Variants in SMR3B observed in about 807,000 individuals in gnomAD.
SMR3B encodes submaxillary gland androgen regulated protein 3B.
For missense variants in SMR3B, 114 were observed against 99.9 expected (o/e 1.14, Z -0.60); for synonymous variants, 42 against 36.1 (o/e 1.16, Z -0.59).
intron 2 of SMR3B, chr4:70,384,772 G>A: frequency 1.0e-6 from 1 of 993,804 alleles, no homozygotes; most frequent in Non-Finnish European, 1.4e-6. Flanking sequence ...GACAGCTCAA[G>A]TCTGTGGTAT....
chr4:70,386,210 T>C (rs149624284), intron 2 of SMR3B, among the ~76,000 whole-genome samples: 171 of 150,156 alleles, frequency 1.1e-3, no homozygotes, highest in African/African-American at 3.9e-3. Context: ...GAGGTGGACA[T>C]TGCAGCGAGC....
At chr4:70,388,932 T>G (rs932512752) in intron 2 of SMR3B, among the ~76,000 whole-genome samples, 1 of 152,206 alleles carries the variant, frequency 6.6e-6, no homozygotes, top group African/African-American at 2.4e-5. Flanking sequence ...AATGACAGAT[T>G]CGACTATAGG....
chr4:70,386,284 A>G (rs1489553961), intron 2 of SMR3B, among the ~76,000 whole-genome samples: 1 of 151,456 alleles, frequency 6.6e-6, no homozygotes, highest in African/African-American at 2.4e-5. Flanking sequence ...AAAAAAAAAA[A>G]AAAGAAAAAA....
At chr4:70,389,042 T>C (rs77715431) in intron 2 of SMR3B, among the ~76,000 whole-genome samples, 13,021 of 152,198 alleles carry the variant, frequency 0.086, 791 homozygotes, top group South Asian at 0.19. Flanking sequence ...AGAGAAACTT[T>C]TTTTCTTTGA....
chr4:70,389,670 A>G lies in SMR3B; in HGVS notation c.62A>G (p.Glu21Gly), dbSNP rs761589482. Reference sequence around the variant, plus strand: ...TACTTCTTATTTCCACAGCCTGGTGAGAGTCAAAGAGGCCCCAGGGGACCA... The same window carrying G: ...TACTTCTTATTTCCACAGCCTGGTGGGAGTCAAAGAGGCCCCAGGGGACCA... ...WALAACFTPG[E>G]SQRGPRGPYP... Residue 21 changes from glutamate to glycine, a missense_variant, in exon 3 of 3, where the codon GAG becomes GGG. Coordinates refer to ENST00000304915, the MANE Select transcript of SMR3B (RefSeq NM_006685.4). The G allele has an allele frequency of 6.2e-7, 1 of 1,613,660 alleles. No homozygotes were observed. The highest frequency in any genetic ancestry group is 1.1e-5 in the South Asian group (1 of 91,046).
Position 70,388,105 on chromosome 4 carries a change from G to A in SMR3B, c.55-1558G>A, listed in dbSNP as rs1263840083. ...AGTGGAACTTCATTCTTACCCCAGA[G>A]CATTTGTGTATTTTCATTCTGTTTG... is the stretch of plus-strand genomic sequence containing the variant. On this transcript the variant is annotated intron_variant, in intron 2 of 2. Coordinates refer to ENST00000304915, the MANE Select transcript of SMR3B (RefSeq NM_006685.4). Among the ~76,000 whole-genome samples, 4 of 152,056 alleles carry A rather than the reference G, an allele frequency of 2.6e-5. No individual in the cohort carries two copies. The East Asian group carries it at 7.7e-4, about 29-fold the overall frequency.
intron 1 of SMR3B, 71 bp from the exon 2 acceptor site, chr4:70,384,426 G>A: frequency 3.1e-6 from 5 of 1,594,740 alleles, no homozygotes; most frequent in Non-Finnish European, 3.4e-6. Flanking sequence ...ATATCCAAGT[G>A]TTGAGACATT....
rs2989 is a variant in SMR3B, at chr4:70,389,940, A to G, written c.*92A>G. On this transcript the variant is annotated 3_prime_UTR_variant, in exon 3 of 3. Transcript: ENST00000304915. ...CCTGGACCTCCATTTTTCCCTGTAA[A>G]TTCTCCAACTGATCCTACCCTCCCT... The G allele has an allele frequency of 0.017, 27,307 of 1,598,310 alleles. 417 individuals carry two copies. Among genetic ancestry groups the G allele is most frequent in the South Asian group, 0.054 (4,882 of 90,634 alleles).
intron 2 of SMR3B, among the ~76,000 whole-genome samples, chr4:70,386,684 G>C (rs1317151011): frequency 1.3e-5 from 2 of 152,116 alleles, no homozygotes; most frequent in Non-Finnish European, 2.9e-5. Context: ...CAATGTGATT[G>C]GGTATACTTA....
At chr4:70,388,864 A>G (rs1330104312) in intron 2 of SMR3B, among the ~76,000 whole-genome samples, 12 of 152,168 alleles carry the variant, frequency 7.9e-5, no homozygotes, top group Non-Finnish European at 1.3e-4. Flanking sequence ...TGAATTAGAC[A>G]TAATAAGACA....
chr4:70,387,266 G>A (rs554342761), intron 2 of SMR3B, among the ~76,000 whole-genome samples: 10 of 152,280 alleles, frequency 6.6e-5, no homozygotes, highest in African/African-American at 2.4e-4. Context: ...TTAGGTGAAA[G>A]TGTAAGAGTA....
rs1173391989 is a variant in SMR3B, at chr4:70,389,803, A to T, written c.195A>T (p.Ala65=). The T allele has an allele frequency of 6.2e-7, 1 of 1,613,254 alleles. No homozygotes were observed. The highest frequency in any genetic ancestry group is 1.7e-5 in the Admixed American group (1 of 59,920). ...GGAGAATCCCACCTCCTCCTCCCGC[A>T]CCCTATGGTCCAGGGATATTTCCAC... ...GPGRIPPPPP[A]PYGPGIFPPP... Residue 65 remains alanine, a synonymous_variant, in exon 3 of 3, where the codon GCA becomes GCT. Transcript: ENST00000304915.
intron 2 of SMR3B, among the ~76,000 whole-genome samples, chr4:70,385,263 G>A (rs1051927283): frequency 1.3e-5 from 2 of 151,862 alleles, no homozygotes; most frequent in African/African-American, 4.8e-5. Flanking sequence ...TTCCACCAAA[G>A]TACTATAAAA....
chr4:70,388,742 T>G (rs1732709255), intron 2 of SMR3B, among the ~76,000 whole-genome samples: 1 of 152,168 alleles, frequency 6.6e-6, no homozygotes, highest in Non-Finnish European at 1.5e-5. Context: ...AAGATCTGTT[T>G]GTAACCCTGG....
In SMR3B at chr4:70,384,572, T is replaced by A. The variant is rs545546702; in HGVS notation, c.54+8T>A. On this transcript the variant is annotated splice_region_variant and intron_variant, in intron 2 of 2. Coordinates refer to ENST00000304915, the MANE Select transcript of SMR3B (RefSeq NM_006685.4). The stretch of plus-strand genomic sequence containing the variant: ...CTTGCAGCGTGTTTCACAGTAAGTA[T>A]CATTAATCACGATCACACTTCTTTA... The A allele has an allele frequency of 3.1e-6, 5 of 1,599,900 alleles. No individual in the cohort carries two copies. The highest frequency in any genetic ancestry group is 4.3e-6 in the Non-Finnish European group (5 of 1,172,856).
chr4:70,385,475 C>T (rs947647727), intron 2 of SMR3B, among the ~76,000 whole-genome samples: 14 of 147,592 alleles, frequency 9.5e-5, no homozygotes, highest in African/African-American at 3.5e-4. Flanking sequence ...GCGATCTCGG[C>T]TCACTGCAAG....
intron 2 of SMR3B, among the ~76,000 whole-genome samples, chr4:70,385,404 T>G (rs1162597614): frequency 3.7e-5 from 5 of 134,190 alleles, no homozygotes; most frequent in African/African-American, 6.1e-5. Context: ...CTTTGTTTTT[T>G]TTTTTTTTTT....
intron 2 of SMR3B, among the ~76,000 whole-genome samples, chr4:70,386,441 T>TAC (rs150264434): frequency 0.24 from 35,928 of 150,016 alleles, 4,760 homozygotes; most frequent in East Asian, 0.37. Context: ...TGTGTATATG[T>TAC]ACACACACAC....
chr4:70,388,328 G>A (rs988213719), intron 2 of SMR3B, among the ~76,000 whole-genome samples: 7 of 151,466 alleles, frequency 4.6e-5, no homozygotes, highest in African/African-American at 1.7e-4. Context: ...GTCCAAGTTG[G>A]CCTTGAACTG....
Sources: gnomAD v4.1 joint callset for allele counts (sites outside exome capture counted in the v4.1 genomes callset) on GRCh38, gnomAD v4.1.1 for gene constraint, MANE v1.5 for transcripts, NCBI Gene and HGNC (gene_info 2026-07-23, HGNC 2026-07-21) for gene names.